CNTN5: variants seen among roughly 807,000 people sequenced by gnomAD.
CNTN5 encodes contactin 5.
CNTN5 carries 77 observed loss-of-function variants against 129.1 expected under a neutral mutation model. The observed-to-expected ratio is 0.60, with a 90% CI of 0.50 to 0.72. The LOEUF (loss-of-function observed/expected upper bound fraction) is 0.72. Among genes scored for constraint, CNTN5 ranks in the 30% least tolerant of loss-of-function variants. The pLI, the probability that CNTN5 is intolerant of heterozygous loss-of-function variation, is 0.00. For synonymous variants in CNTN5, 509 were observed against 465.6 expected (o/e 1.09, Z -1.20); for missense variants, 1,478 against 1,328.8 (o/e 1.11, Z -1.75).
At chr11:100,228,092 G>A (rs1443387100) in intron 16 of CNTN5, among the ~76,000 whole-genome samples, 1 of 152,206 alleles carries the variant, frequency 6.6e-6, no homozygotes, top group Non-Finnish European at 1.5e-5. Context: ...AACTAGGAGT[G>A]ATAGCACTAT....
Position 99,963,171 on chromosome 11 carries a change from C to CA in CNTN5, c.877+6163dup, listed in dbSNP as rs562042942. Among the ~76,000 whole-genome samples, 1,234 of 152,262 alleles carry CA rather than the reference C, an allele frequency of 8.1e-3. 11 individuals are homozygous for CA. Among genetic ancestry groups the CA allele is most frequent in the Non-Finnish European group, 0.015 (1,001 of 68,026 alleles). On this transcript the variant is annotated intron_variant, in intron 8 of 24. Transcript: ENST00000524871. ...GGAGCTCTTTAGTTTAATTAGATCC[C>CA]ATTTGTCAATTTTGGCTTTTGTTGC... is the stretch of plus-strand genomic sequence containing the variant.
intron 3 of CNTN5, among the ~76,000 whole-genome samples, chr11:99,567,232 G>C (rs750610833): frequency 2.6e-5 from 4 of 152,156 alleles, no homozygotes; most frequent in Non-Finnish European, 4.4e-5. Flanking sequence ...TGAGACAAGA[G>C]AGGAAATCTA....
chr11:99,821,723 A>C (rs1041524768), intron 4 of CNTN5, among the ~76,000 whole-genome samples: 1 of 152,164 alleles, frequency 6.6e-6, no homozygotes, highest in Admixed American at 6.5e-5. Flanking sequence ...TAAAACCCTC[A>C]TTAAAATAAG....
chr11:99,983,822 G>A (rs569840504), intron 8 of CNTN5, among the ~76,000 whole-genome samples: 13 of 152,248 alleles, frequency 8.5e-5, no homozygotes, highest in Admixed American at 3.3e-4. Flanking sequence ...GATAAATTAG[G>A]AAGGCATCAG....
chr11:99,269,774 A>T (rs1863088629), intron 1 of CNTN5, among the ~76,000 whole-genome samples: 1 of 151,078 alleles, frequency 6.6e-6, no homozygotes, highest in Non-Finnish European at 1.5e-5. Context: ...CTAGGGTAGG[A>T]TTATTTTCAT....
intron 13 of CNTN5, among the ~76,000 whole-genome samples, chr11:100,168,515 A>T (rs1328425717): frequency 6.6e-6 from 1 of 151,952 alleles, no homozygotes; most frequent in Non-Finnish European, 1.5e-5. Flanking sequence ...ATAACACAAC[A>T]TCTATTTACA....
intron 1 of CNTN5, among the ~76,000 whole-genome samples, chr11:99,083,334 G>C (rs376150332): frequency 6.6e-6 from 1 of 152,148 alleles, no homozygotes; most frequent in East Asian, 1.9e-4. Flanking sequence ...AACAACTGTA[G>C]TCTCAAGATG....
At chr11:99,366,726 G>T (rs964398767) in intron 2 of CNTN5, among the ~76,000 whole-genome samples, 1 of 152,042 alleles carries the variant, frequency 6.6e-6, no homozygotes, top group Non-Finnish European at 1.5e-5. Flanking sequence ...GAAATGAGGC[G>T]GTAATTAGAA....
In CNTN5 at chr11:100,090,431, GCCTT is replaced by G. The variant is rs139636600; in HGVS notation, c.1580+16153_1580+16156del. On this transcript the variant is annotated intron_variant, in intron 13 of 24. Coordinates refer to ENST00000524871, the MANE Select transcript of CNTN5 (RefSeq NM_014361.4). The stretch of plus-strand genomic sequence containing the variant: ...TTTTTCTTTTCTTTTCTGCCTGCCT[GCCTT>G]CCTTCCTTCCTTCCTCTCTTTCTCT... 1.9e-3 allele frequency among the ~76,000 whole-genome samples: 273 copies of G among 147,140 alleles called. 1 individual carries two copies. The highest frequency in any genetic ancestry group is 5.7e-3 in the African/African-American group (224 of 39,286).
At chr11:99,923,769 A>G (rs571811834) in intron 7 of CNTN5, among the ~76,000 whole-genome samples, 127 of 148,742 alleles carry the variant, frequency 8.5e-4, no homozygotes, top group African/African-American at 2.7e-3. Flanking sequence ...CTATCTATCT[A>G]TCTATCTATC....
At chr11:99,516,443 T>G (rs1947055535) in intron 2 of CNTN5, among the ~76,000 whole-genome samples, 1 of 152,152 alleles carries the variant, frequency 6.6e-6, no homozygotes, top group South Asian at 2.1e-4. Context: ...GTATGTTCTC[T>G]GAAAAGAGCA....
At chr11:100,013,848 A>G (rs1374710636) in intron 9 of CNTN5, among the ~76,000 whole-genome samples, 1 of 152,168 alleles carries the variant, frequency 6.6e-6, no homozygotes, top group African/African-American at 2.4e-5. Context: ...ATCTCATTCT[A>G]TCTCATATGT....
At chr11:99,541,594 T>G (rs1233123504) in intron 2 of CNTN5, among the ~76,000 whole-genome samples, 1 of 152,114 alleles carries the variant, frequency 6.6e-6, no homozygotes, top group African/African-American at 2.4e-5. Context: ...AGGGAAATCC[T>G]CAAATCATGT....
chr11:99,064,489 G>A (rs546262531), intron 1 of CNTN5, among the ~76,000 whole-genome samples: 3 of 152,190 alleles, frequency 2.0e-5, no homozygotes, highest in African/African-American at 7.2e-5. Context: ...CAGTCAAAAG[G>A]CATCTGTTAG....
At chr11:99,458,727 C>A (rs886521482) in intron 2 of CNTN5, among the ~76,000 whole-genome samples, 1 of 151,888 alleles carries the variant, frequency 6.6e-6, no homozygotes, top group Non-Finnish European at 1.5e-5. Flanking sequence ...AACCATATAG[C>A]CTTGGTATAG....
chr11:99,675,097 C>A (rs1290924120), intron 3 of CNTN5, among the ~76,000 whole-genome samples: 1 of 152,138 alleles, frequency 6.6e-6, no homozygotes, highest in Non-Finnish European at 1.5e-5. Flanking sequence ...CAGAGCAAAT[C>A]ACTCTATTGT....
At chr11:99,983,463 C>T (rs541325956) in intron 8 of CNTN5, among the ~76,000 whole-genome samples, 1 of 152,186 alleles carries the variant, frequency 6.6e-6, no homozygotes, top group East Asian at 1.9e-4. Flanking sequence ...TCAAATTTTG[C>T]CTTAAAACAT....
At chr11:99,870,490 A>T (rs1948475513) in intron 6 of CNTN5, among the ~76,000 whole-genome samples, 1 of 152,138 alleles carries the variant, frequency 6.6e-6, no homozygotes, top group Non-Finnish European at 1.5e-5. Context: ...AAATATAAAT[A>T]AACTGATATA....
intron 2 of CNTN5, among the ~76,000 whole-genome samples, chr11:99,470,063 G>A (rs1945112810): frequency 6.6e-6 from 1 of 152,180 alleles, no homozygotes; most frequent in African/African-American, 2.4e-5. Context: ...GGTGAATTCA[G>A]AATTGTAACC....
Sources: gnomAD v4.1 joint callset for allele counts (sites outside exome capture counted in the v4.1 genomes callset) on GRCh38, gnomAD v4.1.1 for gene constraint, MANE v1.5 for transcripts, NCBI Gene and HGNC (gene_info 2026-07-23, HGNC 2026-07-21) for gene names.